Variants in KCNIP4 observed in about 807,000 individuals in gnomAD.
KCNIP4 encodes potassium voltage-gated channel interacting protein 4, also known as Kv channel-interacting protein 4.
In KCNIP4, 12 loss-of-function variants were observed where a neutral mutation model predicts 34.0. The observed-to-expected ratio is 0.35, with a 90% confidence interval of 0.23 to 0.57. KCNIP4 has a LOEUF of 0.57. Among genes scored for constraint, KCNIP4 ranks in the 20% least tolerant of loss-of-function variants. The pLI is 0.83. For synonymous variants in KCNIP4, 124 were observed against 102.2 expected, an observed-to-expected ratio of 1.21 and a Z score of -1.29; for missense variants, 238 against 311.7, an observed-to-expected ratio of 0.76 and a Z score of 1.78.
intron 5 of KCNIP4, among the ~76,000 whole-genome samples, chr4:20,737,699 G>A (rs569284720): frequency 6.6e-6 from 1 of 152,310 alleles, no homozygotes; most frequent in South Asian, 2.1e-4. Context: ...ATACTAAGCA[G>A]TAAGATGACA....
At chr4:21,137,075 T>A (rs896274811) in intron 1 of KCNIP4, among the ~76,000 whole-genome samples, 1 of 151,796 alleles carries the variant, frequency 6.6e-6, no homozygotes, top group African/African-American at 2.4e-5. Context: ...ATATTTCCCT[T>A]TTCTGTCCTG....
At chr4:20,779,583 C>T (rs1398706619) in intron 3 of KCNIP4, among the ~76,000 whole-genome samples, 2 of 133,780 alleles carry the variant, frequency 1.5e-5, no homozygotes, top group Non-Finnish European at 3.3e-5. Flanking sequence ...ACAACCCCCC[C>T]CCCCCACACA....
chr4:21,325,293 G>T (rs1714923527), intron 1 of KCNIP4, among the ~76,000 whole-genome samples: 1 of 151,580 alleles, frequency 6.6e-6, no homozygotes, highest in Non-Finnish European at 1.5e-5. Context: ...TAATTGGCCT[G>T]CTAAGGTTTT....
chr4:21,061,966 C>T (rs1434518671), intron 1 of KCNIP4, among the ~76,000 whole-genome samples: 1 of 152,112 alleles, frequency 6.6e-6, no homozygotes, highest in Non-Finnish European at 1.5e-5. Context: ...AAGAGAGAGC[C>T]CTCAGAAGAA....
chr4:21,262,263 G>C (rs1467856736), intron 1 of KCNIP4, among the ~76,000 whole-genome samples: 1 of 152,090 alleles, frequency 6.6e-6, no homozygotes. Flanking sequence ...CCCCATAGCA[G>C]ATGCTTTCAA....
intron 1 of KCNIP4, among the ~76,000 whole-genome samples, chr4:21,437,850 A>G (rs1167443064): frequency 6.7e-6 from 1 of 150,270 alleles, no homozygotes; most frequent in African/African-American, 2.5e-5. Flanking sequence ...AGTCAATGGA[A>G]CTTAAGGTTT....
chr4:21,716,882 T>G (rs1714427420), intron 1 of KCNIP4, among the ~76,000 whole-genome samples: 1 of 152,078 alleles, frequency 6.6e-6, no homozygotes, highest in Admixed American at 6.5e-5. Flanking sequence ...GTAGGTAAAT[T>G]TAGAAATACA....
intron 1 of KCNIP4, among the ~76,000 whole-genome samples, chr4:21,693,097 G>C (rs1711858877): frequency 1.0e-5 from 1 of 95,260 alleles, no homozygotes; most frequent in Non-Finnish European, 2.4e-5. Flanking sequence ...TTTTGCTTAG[G>C]ATCACCTCTT....
At chr4:20,763,356 C>T (rs1165638762) in intron 3 of KCNIP4, among the ~76,000 whole-genome samples, 2 of 152,122 alleles carry the variant, frequency 1.3e-5, no homozygotes, top group Non-Finnish European at 1.5e-5. Flanking sequence ...GGTGAGTGTA[C>T]AGATCAGCTG....
At chr4:21,788,265 T>C (rs563289533) in intron 1 of KCNIP4, among the ~76,000 whole-genome samples, 1 of 151,766 alleles carries the variant, frequency 6.6e-6, no homozygotes, top group Non-Finnish European at 1.5e-5. Flanking sequence ...GGAGTTGAGA[T>C]TTTTATGGGA....
At chr4:21,469,161 C>A (rs1353948596) in intron 1 of KCNIP4, among the ~76,000 whole-genome samples, 1 of 152,010 alleles carries the variant, frequency 6.6e-6, no homozygotes, top group Non-Finnish European at 1.5e-5. Context: ...ACCTCCTAGG[C>A]TCAAGTGCTC....
chr4:20,760,948 G>A (rs1455762909), intron 3 of KCNIP4, among the ~76,000 whole-genome samples: 1 of 152,198 alleles, frequency 6.6e-6, no homozygotes, highest in Non-Finnish European at 1.5e-5. Flanking sequence ...GGATAGTTCT[G>A]TAAGGGTGTT....
intron 1 of KCNIP4, among the ~76,000 whole-genome samples, chr4:21,896,734 C>T (rs998252114): frequency 6.6e-6 from 1 of 151,976 alleles, no homozygotes; most frequent in Non-Finnish European, 1.5e-5. Context: ...GGCTGGCCAA[C>T]ATAGTGAAAA....
At chr4:20,905,509 C>CTTTTTTTTTTTTTTCTTTTTTTTTTTTT (rs1727646320) in intron 1 of KCNIP4, among the ~76,000 whole-genome samples, 1 of 72,804 alleles carries the variant, frequency 1.4e-5, no homozygotes, top group Non-Finnish European at 2.7e-5. Context: ...CGTTTTCTTT[C>CTTTTTTTTTTTTTTCTTTTTTTTTTTTT]TTTTTTTTTT....
In KCNIP4 at chr4:21,387,295, G is replaced by A. The variant is rs938345125; in HGVS notation, c.62-504586C>T. ...AGAAAAAAATAAGGAACAATGATCA[G>A]TTTGACATTTTAAACAAGAGGCATA... On this transcript the variant is annotated intron_variant, in intron 1 of 8. Transcript: ENST00000382152. 2.0e-5 allele frequency among the ~76,000 whole-genome samples: 3 copies of A among 152,100 alleles called. No homozygotes were observed. The South Asian group carries it at 6.2e-4, about 31-fold the overall frequency.
chr4:20,789,032 A>G (rs148453396), intron 3 of KCNIP4, among the ~76,000 whole-genome samples: 5 of 152,270 alleles, frequency 3.3e-5, no homozygotes, highest in Admixed American at 6.5e-5. Flanking sequence ...AAAGAAATCA[A>G]TCAAACAAAA....
At chr4:21,597,126 G>A (rs1742712347) in intron 1 of KCNIP4, among the ~76,000 whole-genome samples, 1 of 152,032 alleles carries the variant, frequency 6.6e-6, no homozygotes, top group African/African-American at 2.4e-5. Flanking sequence ...ATCTTGAATT[G>A]TAGCTCCCAT....
chr4:21,783,907 A>C, intron 1 of KCNIP4, among the ~76,000 whole-genome samples: 1 of 152,316 alleles, frequency 6.6e-6, no homozygotes, highest in East Asian at 1.9e-4. Context: ...TAATTACATT[A>C]TTTGACCAAA....
At chr4:21,675,795 GA>G (rs1749845483) in intron 1 of KCNIP4, among the ~76,000 whole-genome samples, 1 of 152,142 alleles carries the variant, frequency 6.6e-6, no homozygotes, top group South Asian at 2.1e-4. Context: ...AAGCCTGAAA[GA>G]AAACATGAAA....
Sources: gnomAD v4.1 joint callset for allele counts (sites outside exome capture counted in the v4.1 genomes callset) on GRCh38, gnomAD v4.1.1 for gene constraint, MANE v1.5 for transcripts, NCBI Gene and HGNC (gene_info 2026-07-23, HGNC 2026-07-21) for gene names.